Variants in RBFOX1 observed in about 807,000 individuals in gnomAD.
The protein encoded by RBFOX1 is RNA binding fox-1 homolog 1.
RBFOX1 carries 8 observed loss-of-function variants against 57.7 expected under a neutral mutation model. The observed-to-expected ratio is 0.14, with a 90% confidence interval of 0.08 to 0.25. The LOEUF (loss-of-function observed/expected upper bound fraction) is 0.25. Ranked by LOEUF, RBFOX1 falls within the 10% of genes least tolerant of loss-of-function variation. RBFOX1 has a pLI of 1.00. For missense variants in RBFOX1, 611 were observed against 548.5 expected, an observed-to-expected ratio of 1.11 and a Z score of -1.14; for synonymous variants, 326 against 222.4, an observed-to-expected ratio of 1.47 and a Z score of -4.15.
chr16:6,853,702 G>C (rs191581408), intron 3 of RBFOX1, among the ~76,000 whole-genome samples: 4 of 152,260 alleles, frequency 2.6e-5, no homozygotes, highest in African/African-American at 9.6e-5. Context: ...TATCACCCTG[G>C]TTGGATTCGT....
At chr16:5,515,925 C>T (rs1182877271) in intron 2 of RBFOX1, among the ~76,000 whole-genome samples, 3 of 152,200 alleles carry the variant, frequency 2.0e-5, no homozygotes, top group Non-Finnish European at 1.5e-5. Flanking sequence ...TTCATATTTT[C>T]ATTTTGTAAA....
At chr16:6,402,513 C>G (rs2093115974) in intron 2 of RBFOX1, among the ~76,000 whole-genome samples, 1 of 152,068 alleles carries the variant, frequency 6.6e-6, no homozygotes, top group Non-Finnish European at 1.5e-5. Flanking sequence ...TAAATACAGT[C>G]TTTTTCTCCA....
intron 3 of RBFOX1, among the ~76,000 whole-genome samples, chr16:5,637,775 C>T (rs1212633815): frequency 6.6e-6 from 1 of 152,142 alleles, no homozygotes; most frequent in Non-Finnish European, 1.5e-5. Context: ...CATTCCCATG[C>T]TGAAGACCAC....
chr16:5,370,199 C>T (rs2065821773), intron 1 of RBFOX1, among the ~76,000 whole-genome samples: 1 of 152,138 alleles, frequency 6.6e-6, no homozygotes, highest in Non-Finnish European at 1.5e-5. Context: ...CCTGACACCC[C>T]ACAGGCTATT....
intron 5 of RBFOX1, among the ~76,000 whole-genome samples, chr16:7,526,604 G>A (rs1404499629): frequency 2.0e-5 from 3 of 152,158 alleles, no homozygotes; most frequent in Non-Finnish European, 4.4e-5. Flanking sequence ...TACTTACATT[G>A]AAAGTTTGGC....
chr16:7,481,833 C>T (rs1330425186), intron 4 of RBFOX1, among the ~76,000 whole-genome samples: 1 of 152,178 alleles, frequency 6.6e-6, no homozygotes, highest in African/African-American at 2.4e-5. Flanking sequence ...TAAAAGTTCT[C>T]AGAACACTTA....
At chr16:5,736,538 C>G (rs1246366980) in intron 3 of RBFOX1, among the ~76,000 whole-genome samples, 1 of 152,136 alleles carries the variant, frequency 6.6e-6, no homozygotes, top group Non-Finnish European at 1.5e-5. Flanking sequence ...TCCTGGATGC[C>G]TGGGCCGAGT....
rs1275626454 is a variant in RBFOX1, at chr16:6,019,893, C to T, written c.-226C>T. On this transcript the variant is annotated 5_prime_UTR_variant, in exon 1 of 16. Transcript: ENST00000550418. This position sits in a 1 kb window ranked among gnomAD's most constrained non-coding sequence, Gnocchi z 4.2. ...AACCAGCACCCCCTTCCGCCGCCTC[C>T]AGCTTATGGTGAGTGTGGCTGGGGG... The T allele has an allele frequency of 2.6e-6, 4 of 1,534,996 alleles. No individual in the cohort carries two copies. In the South Asian group the frequency reaches 4.8e-5, roughly 18 times the overall value.
chr16:7,492,378 A>G (rs909615137), intron 4 of RBFOX1, among the ~76,000 whole-genome samples: 1 of 152,164 alleles, frequency 6.6e-6, no homozygotes, highest in East Asian at 1.9e-4. Context: ...TATTTAAATG[A>G]CTATGTGACA....
chr16:6,965,375 G>C (rs2345827), intron 3 of RBFOX1, among the ~76,000 whole-genome samples: 96,317 of 151,304 alleles, frequency 0.64, 30,669 homozygotes, highest in African/African-American at 0.65. Flanking sequence ...TGGAGTCTTG[G>C]TCTGTTTCCC....
intron 4 of RBFOX1, among the ~76,000 whole-genome samples, chr16:7,405,414 A>C (rs899470172): frequency 2.0e-5 from 3 of 152,188 alleles, no homozygotes; most frequent in Admixed American, 2.0e-4. Context: ...AGGTGTTGCC[A>C]GAGAACATTG....
chr16:5,526,549 A>T (rs1304130174), intron 2 of RBFOX1, among the ~76,000 whole-genome samples: 1 of 152,094 alleles, frequency 6.6e-6, no homozygotes, highest in East Asian at 1.9e-4. Context: ...TCAGCCTCCC[A>T]AAGTGCTGGG....
At chr16:7,539,267 G>T (rs74010592) in intron 5 of RBFOX1, among the ~76,000 whole-genome samples, 7 of 152,218 alleles carry the variant, frequency 4.6e-5, no homozygotes, top group African/African-American at 1.7e-4. Flanking sequence ...CCTTCTCTGA[G>T]GAAGGGTCGG....
chr16:6,948,140 C>T (rs62017753), intron 3 of RBFOX1, among the ~76,000 whole-genome samples: 52,356 of 151,742 alleles, frequency 0.35, 9,720 homozygotes, highest in Non-Finnish European at 0.42. Context: ...AAAATAGAAA[C>T]ATGCCTTTCA....
chr16:6,732,843 A>G (rs2069019769), intron 3 of RBFOX1, among the ~76,000 whole-genome samples: 3 of 152,212 alleles, frequency 2.0e-5, no homozygotes, highest in Admixed American at 2.0e-4. Context: ...TACCTTGGAC[A>G]GCCATTATGT....
At chr16:7,255,469 A>C (rs2153042076) in intron 4 of RBFOX1, among the ~76,000 whole-genome samples, 1 of 152,338 alleles carries the variant, frequency 6.6e-6, no homozygotes, top group East Asian at 1.9e-4. Context: ...TTAAACATGC[A>C]CTTTAAAAAT....
At chr16:5,832,086 G>A (rs975548754) in intron 3 of RBFOX1, among the ~76,000 whole-genome samples, 1 of 152,178 alleles carries the variant, frequency 6.6e-6, no homozygotes, top group African/African-American at 2.4e-5. Context: ...GAGGAGGCAG[G>A]GCATAGCTGA....
chr16:7,057,262 T>C (rs1036410518), intron 4 of RBFOX1, among the ~76,000 whole-genome samples: 10 of 152,090 alleles, frequency 6.6e-5, no homozygotes, highest in African/African-American at 2.2e-4. Context: ...TCAGTTAAGG[T>C]TGTTTGGAAT....
rs1297111609 is a variant in RBFOX1, at chr16:6,546,655, C to G, written c.-63-107948C>G. On this transcript the variant is annotated intron_variant, in intron 2 of 15. Coordinates refer to ENST00000550418, the MANE Select transcript of RBFOX1 (RefSeq NM_018723.4). ...ATAAGGACACATCCACCTTACTGAC[C>G]TCATCTTAATTTGATTCCTTTCTGT... Among the ~76,000 whole-genome samples the G allele has an allele frequency of 6.6e-5, 10 of 152,176 alleles. 1 individual carries two copies. Among genetic ancestry groups the G allele is most frequent in the Admixed American group, 6.5e-4 (10 of 15,278 alleles).
Sources: gnomAD v4.1 joint callset for allele counts (sites outside exome capture counted in the v4.1 genomes callset) on GRCh38, gnomAD v4.1.1 for gene constraint, Gnocchi (gnomAD v3.1) non-coding constraint, MANE v1.5 for transcripts, NCBI Gene and HGNC (gene_info 2026-07-23, HGNC 2026-07-21) for gene names.